Variants in PROS1 observed in about 807,000 individuals in gnomAD.
PROS1 encodes the protein protein S.
A neutral mutation model predicts 75.9 loss-of-function variants in PROS1; 29 were observed. The observed-to-expected ratio is 0.38, with a 90% CI of 0.28 to 0.52. The LOEUF (loss-of-function observed/expected upper bound fraction) is 0.52, where lower values mean the gene tolerates loss of function less well. Among genes scored for constraint, PROS1 ranks in the 20% least tolerant of loss-of-function variants. The pLI is 0.83. For missense variants in PROS1, 680 were observed against 810.3 expected, an observed-to-expected ratio of 0.84 and a Z score of 1.95; for synonymous variants, 245 against 280.6, an observed-to-expected ratio of 0.87 and a Z score of 1.27.
At chr3:93,972,577 G>A (rs531531706) in intron 1 of PROS1, among the ~76,000 whole-genome samples, 6 of 151,972 alleles carry the variant, frequency 3.9e-5, no homozygotes, top group African/African-American at 1.2e-4. Flanking sequence ...GGTGGCTCAC[G>A]CCTGTAATCC....
chr3:93,960,923 A>C (rs1478537091), intron 1 of PROS1, among the ~76,000 whole-genome samples: 1 of 152,018 alleles, frequency 6.6e-6, no homozygotes, highest in Non-Finnish European at 1.5e-5. Flanking sequence ...ATAACCAATA[A>C]AACAAAAGGG....
At chr3:93,896,951 T>C (rs1341385018) in intron 8 of PROS1, among the ~76,000 whole-genome samples, 5 of 152,208 alleles carry the variant, frequency 3.3e-5, no homozygotes, top group African/African-American at 1.2e-4. Flanking sequence ...TTGTCTTTAA[T>C]ACTTCCTTTG....
At chr3:93,944,093 C>T (rs1253152945) in intron 1 of PROS1, among the ~76,000 whole-genome samples, 1 of 152,034 alleles carries the variant, frequency 6.6e-6, no homozygotes, top group Non-Finnish European at 1.5e-5. Flanking sequence ...AGACTGGGCC[C>T]AATAAACATT....
chr3:93,965,529 G>A lies in PROS1; in HGVS notation c.76+8145C>T, dbSNP rs1012410187. Among the ~76,000 whole-genome samples, 38 of 152,038 alleles carry A rather than the reference G, an allele frequency of 2.5e-4. 1 individual carries two copies. The highest frequency in any genetic ancestry group is 2.2e-3 in the Admixed American group (34 of 15,272). ...GAGCTATAACACTCACTGCATGGCC[G>A]AAGATTACATTCCTTGGAATCCATG... is the stretch of plus-strand genomic sequence containing the variant. On this transcript the variant is annotated intron_variant, in intron 1 of 14. Coordinates refer to ENST00000394236, the MANE Select transcript of PROS1 (RefSeq NM_000313.4).
chr3:93,943,861 C>A (rs901874158), intron 1 of PROS1, among the ~76,000 whole-genome samples: 1 of 152,172 alleles, frequency 6.6e-6, no homozygotes, highest in African/African-American at 2.4e-5. Context: ...CCCCATTGAG[C>A]ACCTTGTGAC....
chr3:93,965,855 T>C (rs1364295555), intron 1 of PROS1, among the ~76,000 whole-genome samples: 1 of 152,086 alleles, frequency 6.6e-6, no homozygotes, highest in Non-Finnish European at 1.5e-5. Flanking sequence ...CCACCACATC[T>C]GGCTAATTTT....
intron 3 of PROS1, among the ~76,000 whole-genome samples, chr3:93,914,194 C>T (rs1447399926): frequency 2.0e-5 from 3 of 152,180 alleles, no homozygotes; most frequent in Non-Finnish European, 4.4e-5. Context: ...CTCGGGGCTT[C>T]CCAACTCCCA....
At chr3:93,941,042 C>T (rs74570011) in intron 1 of PROS1, among the ~76,000 whole-genome samples, 4 of 152,144 alleles carry the variant, frequency 2.6e-5, no homozygotes, top group Non-Finnish European at 4.4e-5. Context: ...CACTGCACCC[C>T]TCATCCCAGC....
At chr3:93,920,271 TGAGG>T (rs1708927674) in intron 3 of PROS1, among the ~76,000 whole-genome samples, 1 of 152,096 alleles carries the variant, frequency 6.6e-6, no homozygotes, top group Non-Finnish European at 1.5e-5. Context: ...AAAATCAATT[TGAGG>T]AGAACTGATC....
At chr3:93,897,689 T>C (rs1467038025) in intron 8 of PROS1, among the ~76,000 whole-genome samples, 1 of 152,058 alleles carries the variant, frequency 6.6e-6, no homozygotes, top group Non-Finnish European at 1.5e-5. Context: ...GTATGTATAC[T>C]TAGTTAAATC....
At chr3:93,913,166 G>A (rs772500497) in intron 3 of PROS1, among the ~76,000 whole-genome samples, 2 of 152,070 alleles carry the variant, frequency 1.3e-5, no homozygotes, top group Non-Finnish European at 2.9e-5. Flanking sequence ...TTATTACTAA[G>A]TGTTTGGTAG....
intron 1 of PROS1, among the ~76,000 whole-genome samples, chr3:93,927,941 A>G (rs1251866812): frequency 5.9e-5 from 8 of 135,398 alleles, no homozygotes; most frequent in East Asian, 4.2e-4. Flanking sequence ...ATATATATGT[A>G]TATATATATA....
chr3:93,918,851 G>T (rs1459476849), intron 3 of PROS1, among the ~76,000 whole-genome samples: 1 of 152,098 alleles, frequency 6.6e-6, no homozygotes, highest in Non-Finnish European at 1.5e-5. Flanking sequence ...CAGTGGTTAT[G>T]TGTATTTTTA....
chr3:93,971,653 A>ACACG (rs1327726715), intron 1 of PROS1, among the ~76,000 whole-genome samples: 6 of 151,102 alleles, frequency 4.0e-5, no homozygotes, highest in African/African-American at 1.5e-4. Flanking sequence ...ACACACACAC[A>ACACG]CACACACACA....
chr3:93,879,747 T>C (rs1444602682), intron 12 of PROS1, among the ~76,000 whole-genome samples: 1 of 152,198 alleles, frequency 6.6e-6, no homozygotes, highest in African/African-American at 2.4e-5. Context: ...AGGATAAATA[T>C]GATCTATATA....
chr3:93,945,800 T>A (rs1486994478), intron 1 of PROS1, among the ~76,000 whole-genome samples: 2 of 152,192 alleles, frequency 1.3e-5, no homozygotes, highest in Non-Finnish European at 2.9e-5. Context: ...TGTTGGAAGT[T>A]CTGGCCTGGG....
At chr3:93,910,948 A>G (rs1265285777) in intron 3 of PROS1, 1 of 470,142 alleles carries the variant, frequency 2.1e-6, no homozygotes, top group Non-Finnish European at 3.9e-6. Flanking sequence ...CTCTCTGGAG[A>G]AGAACCTTAA....
chr3:93,919,188 A>G (rs761241564), intron 3 of PROS1, among the ~76,000 whole-genome samples: 39 of 152,224 alleles, frequency 2.6e-4, no homozygotes, highest in Non-Finnish European at 2.9e-4. Flanking sequence ...TTTGGAATAG[A>G]TACCCAGTGG....
intron 7 of PROS1, among the ~76,000 whole-genome samples, chr3:93,898,773 A>G (rs1273585570): frequency 1.3e-5 from 2 of 152,150 alleles, no homozygotes; most frequent in African/African-American, 4.8e-5. Context: ...TTTTATTTAC[A>G]TATTTGAAAC....
Sources: gnomAD v4.1 joint callset for allele counts (sites outside exome capture counted in the v4.1 genomes callset) on GRCh38, gnomAD v4.1.1 for gene constraint, MANE v1.5 for transcripts, NCBI Gene and HGNC (gene_info 2026-07-23, HGNC 2026-07-21) for gene names.